ZFHX3: variants seen among roughly 807,000 people sequenced by gnomAD.
ZFHX3 encodes zinc finger homeobox 3.
Under a neutral mutation model 279.1 loss-of-function variants are expected in ZFHX3, and 42 were observed. The observed-to-expected ratio is 0.15, with a 90% CI of 0.12 to 0.19. The LOEUF (loss-of-function observed/expected upper bound fraction) is 0.19, where lower values mean the gene tolerates loss of function less well. Ranked by LOEUF, ZFHX3 falls within the 10% of genes least tolerant of loss-of-function variation. The pLI, the probability that ZFHX3 is intolerant of heterozygous loss-of-function variation, is 1.00. For synonymous variants in ZFHX3, 2,293 were observed against 1,957.8 expected, an observed-to-expected ratio of 1.17 and a Z score of -4.52; for missense variants, 4,981 against 4,754.0, an observed-to-expected ratio of 1.05 and a Z score of -1.40.
chr16:73,087,650 A>G (rs1232279384), intron 8 of ZFHX3, among the ~76,000 whole-genome samples: 1 of 152,174 alleles, frequency 6.6e-6, no homozygotes, highest in Non-Finnish European at 1.5e-5. Context: ...GCATTTGTGC[A>G]TCTTTTTTCA....
chr16:73,046,004 C>A (rs1358678476), intron 1 of ZFHX3, among the ~76,000 whole-genome samples: 2 of 152,154 alleles, frequency 1.3e-5, no homozygotes, highest in African/African-American at 4.8e-5. Flanking sequence ...CTCTGAGAGG[C>A]ACTTTACATG....
At chr16:73,321,285 G>A (rs998188059) in intron 3 of ZFHX3, among the ~76,000 whole-genome samples, 6 of 152,230 alleles carry the variant, frequency 3.9e-5, no homozygotes, top group African/African-American at 7.2e-5. Context: ...CTCAGGAGGC[G>A]AGATCCTAAA....
intron 1 of ZFHX3, among the ~76,000 whole-genome samples, chr16:73,001,749 G>C (rs148873254): frequency 0.012 from 1,767 of 151,982 alleles, 56 homozygotes; most frequent in Admixed American, 0.028. Flanking sequence ...GAGCCCGGGA[G>C]GTCAAGGCTG....
At chr16:73,618,552 T>A (rs1282414090) in intron 2 of ZFHX3, among the ~76,000 whole-genome samples, 1 of 152,214 alleles carries the variant, frequency 6.6e-6, no homozygotes, top group Non-Finnish European at 1.5e-5. Context: ...TTTATTTCTA[T>A]CACCTTATGG....
At chr16:73,760,824 C>G (rs913280376) in intron 1 of ZFHX3, among the ~76,000 whole-genome samples, 2 of 151,778 alleles carry the variant, frequency 1.3e-5, no homozygotes, top group African/African-American at 4.8e-5. Flanking sequence ...AGGAATGTAC[C>G]TCAAAATAAT....
At chr16:73,374,026 G>A (rs1159033292) in intron 3 of ZFHX3, among the ~76,000 whole-genome samples, 1 of 152,146 alleles carries the variant, frequency 6.6e-6, no homozygotes, top group Non-Finnish European at 1.5e-5. Flanking sequence ...GCATGCACGG[G>A]GTAAACTGGG....
chr16:73,478,284 A>T (rs986157076), intron 2 of ZFHX3, among the ~76,000 whole-genome samples: 2 of 149,878 alleles, frequency 1.3e-5, no homozygotes, highest in Non-Finnish European at 3.0e-5. Context: ...AAAAAAAAAA[A>T]AGTCAGAATT....
chr16:73,282,138 T>A (rs1567439073), intron 4 of ZFHX3, among the ~76,000 whole-genome samples: 2 of 152,220 alleles, frequency 1.3e-5, no homozygotes, highest in Non-Finnish European at 2.9e-5. Context: ...CAGTTTTCCC[T>A]TTGTATTTTT....
At position 72,844,977 on chromosome 16, in the gene ZFHX3, A is replaced by G. The variant is rs371775536; in HGVS notation, c.3449-15118T>C. On this transcript the variant is annotated intron_variant, in intron 4 of 9. Transcript: ENST00000268489. ...AGAGAGCTAAGCCGAGAGCACAGACAGAACTGAAGGTGAACAAACAAAGGG... is the reference window on the plus strand; with the variant it reads ...AGAGAGCTAAGCCGAGAGCACAGACGGAACTGAAGGTGAACAAACAAAGGG... Among the ~76,000 whole-genome samples, 13 of 152,258 alleles carry G rather than the reference A, an allele frequency of 8.5e-5. No homozygotes were observed. In the East Asian group the frequency reaches 1.9e-3, roughly 23 times the overall value.
At chr16:73,855,779 AAG>A (rs1475564417) in intron 1 of ZFHX3, among the ~76,000 whole-genome samples, 10 of 152,176 alleles carry the variant, frequency 6.6e-5, no homozygotes, top group Admixed American at 2.0e-4. Context: ...TTTGAAATGG[AAG>A]AGAGAGAAAA....
chr16:73,143,532 A>T (rs1966853032), intron 6 of ZFHX3, among the ~76,000 whole-genome samples: 2 of 152,220 alleles, frequency 1.3e-5, no homozygotes. Flanking sequence ...CACTTTTCTA[A>T]CTAGAGAAAT....
intron 9 of ZFHX3, chr16:72,790,843 C>A (rs1266557614): frequency 3.3e-5 from 5 of 152,220 alleles, no homozygotes; most frequent in Non-Finnish European, 7.3e-5. Flanking sequence ...ATTTCCCCAT[C>A]CCCATGGCTC....
At chr16:73,314,886 T>C (rs933369776) in intron 4 of ZFHX3, among the ~76,000 whole-genome samples, 3 of 152,264 alleles carry the variant, frequency 2.0e-5, no homozygotes. Context: ...TCTTGTCTCC[T>C]GACTCTTGAT....
In ZFHX3 at chr16:73,770,592, T is replaced by G. The variant is rs77598349; in HGVS notation, c.-1607-90352A>C. Among the ~76,000 whole-genome samples the G allele has an allele frequency of 3.4e-4, 52 of 152,314 alleles. 1 individual carries two copies. In the East Asian group the frequency reaches 9.5e-3, roughly 28 times the overall value. On this transcript the variant is annotated intron_variant, in intron 1 of 17. Coordinates refer to the ZFHX3 transcript ENST00000641206. ...AGCATAAGAGTCATAAAAAGTAAGATATTGAGATGATCAACCAAAATAAAC... is the reference window on the plus strand; with the variant it reads ...AGCATAAGAGTCATAAAAAGTAAGAGATTGAGATGATCAACCAAAATAAAC...
chr16:72,818,475 T>G (rs756031342), intron 5 of ZFHX3, among the ~76,000 whole-genome samples: 7 of 152,182 alleles, frequency 4.6e-5, no homozygotes, highest in Admixed American at 1.3e-4. Flanking sequence ...CTCCCCCCAA[T>G]AGAGAGAACA....
chr16:73,467,291 T>A (rs996060395), intron 2 of ZFHX3, among the ~76,000 whole-genome samples: 1 of 152,220 alleles, frequency 6.6e-6, no homozygotes, highest in Non-Finnish European at 1.5e-5. Context: ...TCTGTCTTAC[T>A]TTGGTTGCCA....
In ZFHX3 at chr16:73,403,865, C is replaced by T. The variant is rs117573215; in HGVS notation, c.-1291+52138G>A. Among the ~76,000 whole-genome samples, 11 of 152,234 alleles carry T rather than the reference C, an allele frequency of 7.2e-5. No homozygotes were observed. The East Asian group carries it at 9.7e-4, about 13-fold the overall frequency. ...CAGGAAGGAAGGATCGGCAAATTTG[C>T]CAAATGTGCAGACTGCCCACAATGT... is the stretch of plus-strand genomic sequence containing the variant. On this transcript the variant is annotated intron_variant, in intron 3 of 17. Coordinates refer to the ZFHX3 transcript ENST00000641206.
intron 3 of ZFHX3, among the ~76,000 whole-genome samples, chr16:73,348,288 G>A (rs1433907297): frequency 1.3e-5 from 2 of 152,078 alleles, no homozygotes; most frequent in Non-Finnish European, 2.9e-5. Context: ...GAAAAGCCTA[G>A]CATTGTTGGA....
At chr16:73,537,644 A>C (rs1298131564) in intron 2 of ZFHX3, among the ~76,000 whole-genome samples, 1 of 152,178 alleles carries the variant, frequency 6.6e-6, no homozygotes, top group African/African-American at 2.4e-5. Context: ...GCAAATATAG[A>C]GGCTACAATT....
Sources: allele counts gnomAD v4.1 joint callset (sites outside exome capture counted in the v4.1 genomes callset), GRCh38; gene constraint gnomAD v4.1.1; transcripts MANE v1.5; gene names NCBI Gene and HGNC (gene_info 2026-07-23, HGNC 2026-07-21).